The following RCBTB2 variants were observed in gnomAD, a reference collection of about 807,000 sequenced individuals.
RCBTB2 encodes the protein RCC1 and BTB domain containing protein 2, also known as RCC1 and BTB domain-containing protein 2.
Under a neutral mutation model 65.4 loss-of-function variants are expected in RCBTB2, and 55 were observed. The observed-to-expected ratio is 0.84, with a 90% CI of 0.68 to 1.05. The LOEUF is 1.05. Among genes scored for constraint, RCBTB2 ranks in the 50% least tolerant of loss-of-function variants. The pLI is 0.00. For synonymous variants in RCBTB2, 220 were observed against 255.2 expected (o/e 0.86, Z 1.31); for missense variants, 599 against 680.1 (o/e 0.88, Z 1.33).
intron 7 of RCBTB2, 45 bp downstream of exon 7, chr13:48,512,684 A>G (rs778749257): frequency 1.2e-5 from 18 of 1,525,426 alleles, no homozygotes; most frequent in African/African-American, 2.7e-5. Flanking sequence ...AGTCTACATA[A>G]TCTTATTGAA....
At chr13:48,512,662 G>T in intron 7 of RCBTB2, 67 bp downstream of exon 7, 1 of 1,249,062 alleles carries the variant, frequency 8.0e-7, no homozygotes, top group Non-Finnish European at 1.1e-6. Context: ...GTATTTCCAG[G>T]ACTACTATAG....
intron 14 of RCBTB2, among the ~76,000 whole-genome samples, chr13:48,495,147 G>T (rs950999067): frequency 1.3e-5 from 2 of 152,036 alleles, no homozygotes; most frequent in Non-Finnish European, 2.9e-5. Context: ...AAACTGACTC[G>T]AAGATGTTAC....
At chr13:48,534,316 T>C (rs1471867113), upstream of RCBTB2, among the ~76,000 whole-genome samples, 1 of 152,230 alleles carries the variant, frequency 6.6e-6, no homozygotes, top group Admixed American at 6.5e-5. Flanking sequence ...ACTTCAGTGA[T>C]GATAGCTGGC....
intron 7 of RCBTB2, 27 bp from the exon 8 acceptor site, chr13:48,512,201 A>T: frequency 6.3e-7 from 1 of 1,595,112 alleles, no homozygotes; most frequent in Non-Finnish European, 8.6e-7. Context: ...TCAGTAAATG[A>T]AACAGATTAA....
At chr13:48,514,153 T>C (rs943281) in intron 6 of RCBTB2, among the ~76,000 whole-genome samples, 3,154 of 152,334 alleles carry the variant, frequency 0.021, 118 homozygotes, top group African/African-American at 0.072. Context: ...CAAGCATCAC[T>C]ACTCTTGCAC....
At chr13:48,516,770 G>A (rs9331986) in intron 4 of RCBTB2, among the ~76,000 whole-genome samples, 5,508 of 152,244 alleles carry the variant, frequency 0.036, 336 homozygotes, top group African/African-American at 0.13. Context: ...ACTCCTATAA[G>A]AGGAAGTTAT....
chr13:48,514,973 G>T (rs188574104), intron 6 of RCBTB2, among the ~76,000 whole-genome samples: 1 of 152,144 alleles, frequency 6.6e-6, no homozygotes, highest in African/African-American at 2.4e-5. Flanking sequence ...CAATCAGTTC[G>T]TCAGTGTTTA....
chr13:48,511,902 C>G, intron 8 of RCBTB2, 25 bp from the exon 9 acceptor site: 1 of 1,612,678 alleles, frequency 6.2e-7, no homozygotes, highest in African/African-American at 1.3e-5. Context: ...GACCCTCAAT[C>G]CTCTCAAGAG....
At chr13:48,510,331 A>C (rs1950711653) in intron 10 of RCBTB2, among the ~76,000 whole-genome samples, 1 of 152,192 alleles carries the variant, frequency 6.6e-6, no homozygotes, top group Admixed American at 6.5e-5. Context: ...GGAGGGCAAA[A>C]GGGTGATTTG....
chr13:48,496,634 T>G (rs1435236736), intron 13 of RCBTB2, among the ~76,000 whole-genome samples: 1 of 151,032 alleles, frequency 6.6e-6, no homozygotes, highest in African/African-American at 2.4e-5. Flanking sequence ...GCAATCTCAA[T>G]GTCAGCTTCT....
intron 13 of RCBTB2, among the ~76,000 whole-genome samples, chr13:48,497,985 C>T (rs1338256076): frequency 6.6e-6 from 1 of 152,232 alleles, no homozygotes; most frequent in Non-Finnish European, 1.5e-5. Context: ...GCCACATGCC[C>T]ACTTCTAGAC....
At chr13:48,532,858 G>T (rs989487070) in intron 1 of RCBTB2, 170 bp downstream of exon 1, 5 of 385,598 alleles carry the variant, frequency 1.3e-5, no homozygotes, top group Non-Finnish European at 2.6e-5. Context: ...CGACGCCTAG[G>T]CCTGTGGCAC....
At position 48,512,062 on chromosome 13, in the gene RCBTB2, A is replaced by G. The variant is rs1380917901; in HGVS notation, c.629T>C (p.Ile210Thr). Reference protein sequence around the residue: ...GCLQNKVVVTIACGQMCCMAV... With the variant: ...GCLQNKVVVTTACGQMCCMAV... ...CATGCAGCACATCTGCCCACATGCTATGGTCACAACTACTTTATTTTGTAG... is the reference window on the plus strand; with the variant it reads ...CATGCAGCACATCTGCCCACATGCTGTGGTCACAACTACTTTATTTTGTAG... The change falls in exon 8 of 15, where the codon ATA becomes ACA. Residue 210 changes from isoleucine to threonine, a missense_variant. Coordinates refer to ENST00000344532, the MANE Select transcript of RCBTB2 (RefSeq NM_001268.4). 3 of 1,614,114 alleles carry G rather than the reference A, an allele frequency of 1.9e-6. No individual in the cohort carries two copies. The highest frequency in any genetic ancestry group is 2.5e-6 in the Non-Finnish European group (3 of 1,180,046).
chr13:48,535,608 A>G (rs1222849923), upstream of RCBTB2: 2 of 454,520 alleles, frequency 4.4e-6, no homozygotes, highest in Non-Finnish European at 8.9e-6. Context: ...CTACCCCTCC[A>G]TTGAAACTCC....
intron 14 of RCBTB2, among the ~76,000 whole-genome samples, chr13:48,493,634 A>T (rs1949845738): frequency 6.6e-6 from 1 of 151,712 alleles, no homozygotes; most frequent in Non-Finnish European, 1.5e-5. Flanking sequence ...TTTTCCCAGA[A>T]CACACCACCC....
intron 10 of RCBTB2, among the ~76,000 whole-genome samples, chr13:48,503,541 A>C (rs2138472665): frequency 7.1e-6 from 1 of 141,484 alleles, no homozygotes; most frequent in Non-Finnish European, 1.6e-5. Context: ...AATTCTCAGA[A>C]CAATTTTTTT....
chr13:48,525,591 C>T (rs1255085250), intron 1 of RCBTB2, among the ~76,000 whole-genome samples: 1 of 151,166 alleles, frequency 6.6e-6, no homozygotes, highest in African/African-American at 2.4e-5. Flanking sequence ...GATCTCAGCC[C>T]ACTAATTTCC....
chr13:48,503,897 T>C (rs1566277747), intron 10 of RCBTB2, among the ~76,000 whole-genome samples: 1 of 152,158 alleles, frequency 6.6e-6, no homozygotes. Context: ...CTGGAAGTAA[T>C]TTCTTTTCCA....
At chr13:48,510,561 AT>A in intron 10 of RCBTB2, 67 bp downstream of exon 10, 1 of 1,502,016 alleles carries the variant, frequency 6.7e-7, no homozygotes, top group Non-Finnish European at 9.2e-7. Flanking sequence ...CATTCTCTAT[AT>A]ATCTAAGTCC....
Sources: gnomAD v4.1 joint callset for allele counts (sites outside exome capture counted in the v4.1 genomes callset) on GRCh38, gnomAD v4.1.1 for gene constraint, MANE v1.5 for transcripts, NCBI Gene and HGNC (gene_info 2026-07-23, HGNC 2026-07-21) for gene names.